CAMTA1: variants seen among roughly 807,000 people sequenced by gnomAD.
CAMTA1 encodes calmodulin binding transcription activator 1, also known as calmodulin-binding transcription activator 1.
Under a neutral mutation model 170.9 loss-of-function variants are expected in CAMTA1, and 27 were observed. That is an observed-to-expected ratio of 0.16 (90% confidence interval 0.12 to 0.22). The LOEUF is 0.22. Among genes scored for constraint, CAMTA1 ranks in the 10% least tolerant of loss-of-function variants. The pLI is 1.00. For missense variants in CAMTA1, 1,619 were observed against 2,217.2 expected, an observed-to-expected ratio of 0.73 and a Z score of 5.42; for synonymous variants, 833 against 891.5, an observed-to-expected ratio of 0.93 and a Z score of 1.17.
At chr1:7,628,721 C>G (rs911885745) in intron 6 of CAMTA1, among the ~76,000 whole-genome samples, 1 of 152,256 alleles carries the variant, frequency 6.6e-6, no homozygotes, top group Non-Finnish European at 1.5e-5. Context: ...CACACCAGCT[C>G]TGGGAGCAGA....
chr1:7,371,320 T>TG (rs2086453446), intron 5 of CAMTA1, among the ~76,000 whole-genome samples: 1 of 150,588 alleles, frequency 6.6e-6, no homozygotes, highest in African/African-American at 2.4e-5. Context: ...TGCAGTGGCG[T>TG]ATCTCGGCTC....
At chr1:7,217,193 T>C (rs2149103557) in intron 4 of CAMTA1, among the ~76,000 whole-genome samples, 1 of 152,312 alleles carries the variant, frequency 6.6e-6, no homozygotes, top group African/African-American at 2.4e-5. Context: ...TCACGAGATC[T>C]GATCGTTTTA....
chr1:6,833,745 G>A (rs1474476692), intron 3 of CAMTA1, among the ~76,000 whole-genome samples: 1 of 152,198 alleles, frequency 6.6e-6, no homozygotes, highest in Non-Finnish European at 1.5e-5. Flanking sequence ...TAGGGGAAAC[G>A]TAACCACAAA....
At chr1:7,449,792 A>G (rs1036926487) in intron 5 of CAMTA1, among the ~76,000 whole-genome samples, 10 of 151,122 alleles carry the variant, frequency 6.6e-5, no homozygotes, top group Admixed American at 1.3e-4. Context: ...AAAAAAAGAA[A>G]GAAAGAAAAA....
intron 3 of CAMTA1, among the ~76,000 whole-genome samples, chr1:7,016,881 C>G (rs1304133952): frequency 6.6e-6 from 1 of 152,140 alleles, no homozygotes; most frequent in Non-Finnish European, 1.5e-5. Flanking sequence ...CATTGCCTCT[C>G]TGTATTCTGT....
chr1:7,310,418 T>C (rs979193696), intron 5 of CAMTA1, among the ~76,000 whole-genome samples: 1 of 152,196 alleles, frequency 6.6e-6, no homozygotes, highest in African/African-American at 2.4e-5. Flanking sequence ...ATTGTCTCAC[T>C]AACACAGTCA....
At chr1:7,467,377 C>T (rs954465672) in intron 5 of CAMTA1, among the ~76,000 whole-genome samples, 1 of 152,204 alleles carries the variant, frequency 6.6e-6, no homozygotes, top group African/African-American at 2.4e-5. Flanking sequence ...GCCAGGGCCC[C>T]CTGGCCAGGA....
intron 4 of CAMTA1, among the ~76,000 whole-genome samples, chr1:7,243,183 T>C (rs1216891537): frequency 6.6e-6 from 1 of 152,222 alleles, no homozygotes; most frequent in Non-Finnish European, 1.5e-5. Flanking sequence ...CTAGCCCCTA[T>C]GCCTTGGTCT....
intron 5 of CAMTA1, among the ~76,000 whole-genome samples, chr1:7,368,721 G>A (rs1166296226): frequency 6.6e-6 from 1 of 152,186 alleles, no homozygotes; most frequent in African/African-American, 2.4e-5. Context: ...CGCTGCTGCA[G>A]CTTCAGCACC....
chr1:7,611,158 C>A (rs114968501), intron 6 of CAMTA1, among the ~76,000 whole-genome samples: 212 of 152,086 alleles, frequency 1.4e-3, no homozygotes, highest in African/African-American at 5.1e-3. Flanking sequence ...GGCCATGGTG[C>A]GGGCCTAGTC....
At chr1:7,379,947 G>T (rs754521836) in intron 5 of CAMTA1, among the ~76,000 whole-genome samples, 1 of 152,240 alleles carries the variant, frequency 6.6e-6, no homozygotes, top group Non-Finnish European at 1.5e-5. Context: ...GGACTGCCAA[G>T]TGAGCGGTGG....
chr1:6,847,704 TA>T (rs1658776077), intron 3 of CAMTA1, among the ~76,000 whole-genome samples: 1 of 149,044 alleles, frequency 6.7e-6, no homozygotes, highest in African/African-American at 2.5e-5. Flanking sequence ...CACCCCCAGC[TA>T]ACTTTTTTTT....
At chr1:7,422,701 A>G (rs931747520) in intron 5 of CAMTA1, among the ~76,000 whole-genome samples, 1 of 152,158 alleles carries the variant, frequency 6.6e-6, no homozygotes, top group African/African-American at 2.4e-5. Flanking sequence ...CAGGCTGTGA[A>G]CGCTGCCTGT....
chr1:7,606,830 G>A (rs1267013448), intron 6 of CAMTA1, among the ~76,000 whole-genome samples: 1 of 152,196 alleles, frequency 6.6e-6, no homozygotes, highest in East Asian at 1.9e-4. Context: ...GGAGGGGTTT[G>A]GAGCCCCTGG....
chr1:7,751,051 G>A (rs905299633), intron 19 of CAMTA1, 148 bp from the exon 20 acceptor site: 2 of 751,398 alleles, frequency 2.7e-6, no homozygotes, highest in South Asian at 1.5e-5. Context: ...TTCCTCATTT[G>A]CCTCTTTTGT....
At chr1:6,948,282 T>C (rs1394225049) in intron 3 of CAMTA1, among the ~76,000 whole-genome samples, 1 of 152,110 alleles carries the variant, frequency 6.6e-6, no homozygotes, top group East Asian at 1.9e-4. Context: ...TGGTAGGCAT[T>C]TGGGGGAGGT....
chr1:7,423,469 C>CAAA (rs1016382434), intron 5 of CAMTA1, among the ~76,000 whole-genome samples: 8 of 47,818 alleles, frequency 1.7e-4, no homozygotes, highest in East Asian at 6.3e-4. Context: ...AACTCCATCT[C>CAAA]AAAAAAAAAA....
intron 5 of CAMTA1, among the ~76,000 whole-genome samples, chr1:7,316,180 C>T (rs1377791611): frequency 1.3e-5 from 2 of 152,176 alleles, no homozygotes; most frequent in African/African-American, 4.8e-5. Flanking sequence ...CCTCCCATGA[C>T]ACACAGGGAT....
intron 4 of CAMTA1, among the ~76,000 whole-genome samples, chr1:7,104,241 CACACA>C (rs971769844): frequency 4.8e-4 from 63 of 131,354 alleles, no homozygotes; most frequent in South Asian, 3.2e-3. Flanking sequence ...CACACGTGTA[CACACA>C]ACACACATAC....
Sources: allele counts gnomAD v4.1 joint callset (sites outside exome capture counted in the v4.1 genomes callset), GRCh38; gene constraint gnomAD v4.1.1; transcripts MANE v1.5; gene names NCBI Gene and HGNC (gene_info 2026-07-23, HGNC 2026-07-21).